Variants in GPHN observed in about 807,000 individuals in gnomAD.
GPHN encodes gephyrin.
In GPHN, 17 loss-of-function variants were observed where a neutral mutation model predicts 95.5. That is an observed-to-expected ratio of 0.18 (90% CI 0.12 to 0.27). The LOEUF is 0.27. Among genes scored for constraint, GPHN ranks in the 10% least tolerant of loss-of-function variants. The pLI, the probability that GPHN is intolerant of heterozygous loss-of-function variation, is 1.00. For synonymous variants in GPHN, 320 were observed against 322.5 expected, an observed-to-expected ratio of 0.99 and a Z score of 0.08; for missense variants, 660 against 978.1, an observed-to-expected ratio of 0.67 and a Z score of 4.34.
At chr14:66,970,547 T>A (rs1159716531) in intron 9 of GPHN, among the ~76,000 whole-genome samples, 2 of 152,224 alleles carry the variant, frequency 1.3e-5, no homozygotes, top group African/African-American at 4.8e-5. Flanking sequence ...GGTCATTGGC[T>A]AAACCTGGGT....
intron 1 of GPHN, among the ~76,000 whole-genome samples, chr14:66,570,947 G>GT (rs566167078): frequency 3.9e-4 from 59 of 152,098 alleles, no homozygotes; most frequent in African/African-American, 1.4e-3. Flanking sequence ...TCTTTAGCCT[G>GT]TTTTTTAACC....
At chr14:67,214,949 A>G in the GPHN span, among the ~76,000 whole-genome samples, 1 of 152,092 alleles carries the variant, frequency 6.6e-6, no homozygotes. Context: ...GAGTTCACTC[A>G]TGATTTGGCT....
intron 21 of GPHN, among the ~76,000 whole-genome samples, chr14:67,175,188 T>C (rs1259042891): frequency 6.6e-6 from 1 of 152,236 alleles, no homozygotes; most frequent in Non-Finnish European, 1.5e-5. Flanking sequence ...CTAGGTTTTC[T>C]TCTAGGGTTT....
chr14:66,980,502 T>C (rs1285452409), intron 9 of GPHN, among the ~76,000 whole-genome samples: 2 of 152,224 alleles, frequency 1.3e-5, no homozygotes, highest in African/African-American at 2.4e-5. Flanking sequence ...GGTTTTATAA[T>C]TTCTTTTTAG....
intron 4 of GPHN, among the ~76,000 whole-genome samples, chr14:66,848,445 T>C (rs2062428800): frequency 2.0e-5 from 3 of 152,102 alleles, no homozygotes; most frequent in African/African-American, 7.2e-5. Context: ...TGTTTAGATA[T>C]CCTGCTTCTC....
At chr14:67,320,841 ATATAAC>A in the GPHN span, among the ~76,000 whole-genome samples, 1 of 151,906 alleles carries the variant, frequency 6.6e-6, no homozygotes, top group South Asian at 2.1e-4. Flanking sequence ...ATTGAGATAA[ATATAAC>A]TATTACTAAG....
chr14:66,837,235 A>G, intron 4 of GPHN, among the ~76,000 whole-genome samples: 1 of 151,810 alleles, frequency 6.6e-6, no homozygotes, highest in East Asian at 1.9e-4. Context: ...AAAATGTGGC[A>G]TATGTACACC....
chr14:66,517,869 A>G (rs930897724), intron 1 of GPHN, among the ~76,000 whole-genome samples: 2 of 152,152 alleles, frequency 1.3e-5, no homozygotes, highest in African/African-American at 2.4e-5. Flanking sequence ...ATGTTTCAGG[A>G]CATTGGTCTG....
At chr14:67,131,984 C>G (rs2079748147) in intron 17 of GPHN, among the ~76,000 whole-genome samples, 1 of 152,088 alleles carries the variant, frequency 6.6e-6, no homozygotes, top group African/African-American at 2.4e-5. Context: ...GAAGATTTCC[C>G]CCTTCTGGAA....
intron 2 of GPHN, among the ~76,000 whole-genome samples, chr14:66,753,537 A>G (rs1208150856): frequency 6.6e-6 from 1 of 152,050 alleles, no homozygotes; most frequent in African/African-American, 2.4e-5. Flanking sequence ...AAAGAAAGTT[A>G]TATTCTATTC....
chr14:67,208,626 C>G, the GPHN span, among the ~76,000 whole-genome samples: 3 of 152,172 alleles, frequency 2.0e-5, no homozygotes, highest in Non-Finnish European at 4.4e-5. Flanking sequence ...TCAACTTTGG[C>G]TAATTTTTAT....
chr14:66,759,732 A>G (rs1255088522), intron 2 of GPHN, among the ~76,000 whole-genome samples: 1 of 152,186 alleles, frequency 6.6e-6, no homozygotes, highest in African/African-American at 2.4e-5. Context: ...TTCAAGGTTA[A>G]TATTGATATA....
intron 1 of GPHN, among the ~76,000 whole-genome samples, chr14:66,634,928 A>G (rs2153346419): frequency 6.6e-6 from 1 of 152,332 alleles, no homozygotes; most frequent in South Asian, 2.1e-4. Context: ...TTAAAATAGC[A>G]AAAGTTTATT....
chr14:67,609,801 G>T, the GPHN span, among the ~76,000 whole-genome samples: 5,475 of 152,260 alleles, frequency 0.036, 263 homozygotes, highest in African/African-American at 0.11. Context: ...AAGGGGAAGG[G>T]GGTGGGGATC....
intron 2 of GPHN, among the ~76,000 whole-genome samples, chr14:66,726,398 G>A (rs927660112): frequency 2.0e-5 from 3 of 152,148 alleles, no homozygotes; most frequent in African/African-American, 4.8e-5. Flanking sequence ...TTATAAAGAT[G>A]TGTTCTGATA....
the GPHN span, among the ~76,000 whole-genome samples, chr14:67,427,773 T>G: frequency 1.3e-5 from 2 of 152,088 alleles, no homozygotes; most frequent in African/African-American, 4.8e-5. Flanking sequence ...GTAAGCTTAG[T>G]CTCCTCAGGC....
chr14:66,700,960 A>C (rs2068499058), intron 2 of GPHN, among the ~76,000 whole-genome samples: 1 of 152,110 alleles, frequency 6.6e-6, no homozygotes, highest in African/African-American at 2.4e-5. Flanking sequence ...TTTTTATTTC[A>C]GTTATATCAC....
At chr14:66,983,857 A>G (rs2070845419) in intron 9 of GPHN, among the ~76,000 whole-genome samples, 1 of 152,216 alleles carries the variant, frequency 6.6e-6, no homozygotes, top group Admixed American at 6.5e-5. Flanking sequence ...GACATAGTAC[A>G]TATACATACA....
chr14:66,946,493 C>G (rs186609675), intron 8 of GPHN, among the ~76,000 whole-genome samples: 2 of 152,132 alleles, frequency 1.3e-5, no homozygotes, highest in African/African-American at 2.4e-5. Context: ...GCAAACTCCA[C>G]CTCCGGGGTT....
Sources: allele counts gnomAD v4.1 joint callset (sites outside exome capture counted in the v4.1 genomes callset), GRCh38; gene constraint gnomAD v4.1.1; transcripts MANE v1.5; gene names NCBI Gene and HGNC (gene_info 2026-07-23, HGNC 2026-07-21).